Variants in DDC observed in about 807,000 individuals in gnomAD.
DDC encodes dopa decarboxylase.
In DDC, 43 loss-of-function variants were observed where a neutral mutation model predicts 60.0. That is an observed-to-expected ratio of 0.72 (90% CI 0.56 to 0.92). The LOEUF (loss-of-function observed/expected upper bound fraction) is 0.92. DDC is among the 40% of genes least tolerant of loss of function. DDC has a pLI of 0.00. For missense variants in DDC, 573 were observed against 620.2 expected (o/e 0.92, Z 0.81); for synonymous variants, 232 against 234.6 (o/e 0.99, Z 0.10).
chr7:50,557,407 C>T (rs2329343), intron 1 of DDC, among the ~76,000 whole-genome samples: 151,480 of 152,326 alleles, frequency 0.99, 75,324 homozygotes, highest in Middle Eastern at 1. Context: ...ACTTGAGCAA[C>T]TTCCAAAGAC....
At chr7:50,502,609 G>T (rs913950604) in intron 7 of DDC, among the ~76,000 whole-genome samples, 1 of 152,188 alleles carries the variant, frequency 6.6e-6, no homozygotes, top group Admixed American at 6.5e-5. Flanking sequence ...CCAGCCCGGG[G>T]CTGTGCACGA....
At chr7:50,476,783 GT>G (rs2042656514) in intron 10 of DDC, 140 bp from the exon 11 acceptor site, 1 of 743,712 alleles carries the variant, frequency 1.3e-6, no homozygotes, top group East Asian at 2.7e-5. Context: ...GGGTCTGGGT[GT>G]TCTTTGCGGC....
At chr7:50,549,199 T>C (rs1373835498) in intron 1 of DDC, among the ~76,000 whole-genome samples, 1 of 152,236 alleles carries the variant, frequency 6.6e-6, no homozygotes, top group Non-Finnish European at 1.5e-5. Context: ...CGACATCCAT[T>C]CTACAGTCCA....
rs1318217953 is a variant in DDC at position 50,522,107 on chromosome 7, G to T, written c.714+6030C>A. On this transcript the variant is annotated intron_variant, in intron 6 of 14. Coordinates refer to ENST00000444124, the MANE Select transcript of DDC (RefSeq NM_001082971.2). ...GCTGTAGGATAAAATGATAATATTAGATAAAAGTTAATTGTTTTCTTATCA... is the reference window on the plus strand; with the variant it reads ...GCTGTAGGATAAAATGATAATATTATATAAAAGTTAATTGTTTTCTTATCA... Among the ~76,000 whole-genome samples the T allele has an allele frequency of 2.6e-5, 4 of 151,294 alleles. 1 individual carries two copies. The South Asian group carries it at 6.2e-4, about 24-fold the overall frequency.
chr7:50,536,957 C>G (rs1283852237), intron 4 of DDC, among the ~76,000 whole-genome samples: 1 of 149,714 alleles, frequency 6.7e-6, no homozygotes, highest in Non-Finnish European at 1.5e-5. Flanking sequence ...CCTAATGAGA[C>G]TATCATCTAC....
intron 8 of DDC, among the ~76,000 whole-genome samples, chr7:50,497,267 A>T (rs575657818): frequency 6.6e-6 from 1 of 152,208 alleles, no homozygotes; most frequent in Non-Finnish European, 1.5e-5. Flanking sequence ...GACTCATTGT[A>T]CAGCATGAAA....
At chr7:50,494,104 C>T (rs1436563446) in intron 9 of DDC, among the ~76,000 whole-genome samples, 1 of 152,130 alleles carries the variant, frequency 6.6e-6, no homozygotes, top group Admixed American at 6.5e-5. Flanking sequence ...GTATCACTGC[C>T]CATCATCATT....
chr7:50,476,680 T>G (rs1246456106), intron 10 of DDC, 37 bp from the exon 11 acceptor site: 2 of 1,589,540 alleles, frequency 1.3e-6, no homozygotes, highest in Non-Finnish European at 8.6e-7. Flanking sequence ...AAAGAAATCG[T>G]TAGACAGGTT....
Position 50,504,006 on chromosome 7 carries a change from T to C in DDC, c.768A>G (p.Glu256=). 6.2e-7 allele frequency: 1 copy of C among 1,613,568 alleles called. No individual in the cohort carries two copies. Among genetic ancestry groups the C allele is most frequent in the South Asian group, 1.1e-5 (1 of 91,078 alleles). The change falls in exon 7 of 15, where the codon GAA becomes GAG. Residue 256 remains glutamate (E), a synonymous_variant. Coordinates refer to ENST00000444124, the MANE Select transcript of DDC (RefSeq NM_001082971.2). The stretch of plus-strand genomic sequence containing the variant: ...TCGGATACTTACAGATAGGACCGAC[T>C]TCTAAGAGATTGTCAAAGGAGCAGC... The part of the protein sequence containing the change: ...TTCCSFDNLL[E]VGPICNKEDI...
At chr7:50,462,057 A>C (rs566421299) in intron 14 of DDC, among the ~76,000 whole-genome samples, 5 of 152,244 alleles carry the variant, frequency 3.3e-5, no homozygotes, top group Middle Eastern at 3.4e-3. Context: ...TCAACAGCAA[A>C]GAAGATAAAA....
intron 7 of DDC, among the ~76,000 whole-genome samples, chr7:50,500,820 T>C (rs1013895178): frequency 2.6e-5 from 4 of 152,358 alleles, no homozygotes; most frequent in Middle Eastern, 3.4e-3. Context: ...TTATCAGCTT[T>C]GTGGAGGACT....
chr7:50,529,410 A>G, intron 4 of DDC, 68 bp from the exon 5 acceptor site: 1 of 1,559,462 alleles, frequency 6.4e-7, no homozygotes. Context: ...ACACTATTGG[A>G]AGACATATTG....
At chr7:50,509,463 A>T (rs2043490190) in intron 6 of DDC, among the ~76,000 whole-genome samples, 1 of 152,116 alleles carries the variant, frequency 6.6e-6, no homozygotes, top group Non-Finnish European at 1.5e-5. Context: ...CTCTCAGCAC[A>T]TCTCCCTCGG....
At chr7:50,542,144 G>A (rs1236217399) in intron 2 of DDC, 1 of 152,080 alleles carries the variant, frequency 6.6e-6, no homozygotes, top group Non-Finnish European at 1.5e-5. Context: ...GTAATCAGGA[G>A]GAAAAAACAG....
Position 50,465,927 on chromosome 7 carries a change from C to T in DDC, c.1242+1287G>A, listed in dbSNP as rs969269036. Among the ~76,000 whole-genome samples, 4 of 152,324 alleles carry T rather than the reference C, an allele frequency of 2.6e-5. No individual in the cohort carries two copies. In the South Asian group the frequency reaches 8.3e-4, roughly 32 times the overall value. On this transcript the variant is annotated intron_variant, in intron 13 of 14. Coordinates refer to ENST00000444124, the MANE Select transcript of DDC (RefSeq NM_001082971.2). The stretch of plus-strand genomic sequence containing the variant: ...CCCTCTCGGTCCTCTGTGCACCTCC[C>T]AGGTCTCATCACTTTGTGCTCTTCC...
At chr7:50,545,855 G>A (rs1054256299) in intron 1 of DDC, among the ~76,000 whole-genome samples, 1 of 152,172 alleles carries the variant, frequency 6.6e-6, no homozygotes. Context: ...CCTGTCTGGG[G>A]AAGCTTCTCT....
At chr7:50,485,354 G>A (rs1216906379) in intron 9 of DDC, among the ~76,000 whole-genome samples, 9 of 152,168 alleles carry the variant, frequency 5.9e-5, no homozygotes, top group South Asian at 2.1e-4. Flanking sequence ...TGCTTATAAT[G>A]ATTGCCAGTT....
At chr7:50,554,382 C>T (rs948074878) in intron 1 of DDC, among the ~76,000 whole-genome samples, 5 of 151,762 alleles carry the variant, frequency 3.3e-5, no homozygotes, top group South Asian at 4.2e-4. Context: ...CTGAAACTGC[C>T]GTGAAAGTCT....
At chr7:50,486,658 T>C (rs1399763063) in intron 9 of DDC, among the ~76,000 whole-genome samples, 2 of 152,168 alleles carry the variant, frequency 1.3e-5, no homozygotes, top group Non-Finnish European at 2.9e-5. Flanking sequence ...AGAATATGAC[T>C]GACTGTATTT....
Sources: allele counts gnomAD v4.1 joint callset (sites outside exome capture counted in the v4.1 genomes callset), GRCh38; gene constraint gnomAD v4.1.1; transcripts MANE v1.5; gene names NCBI Gene and HGNC (gene_info 2026-07-23, HGNC 2026-07-21).